ZBTB20: variants seen among roughly 807,000 people sequenced by gnomAD.
ZBTB20 encodes the protein zinc finger and BTB domain-containing protein 20.
ZBTB20 carries 9 observed loss-of-function variants against 56.9 expected under a neutral mutation model. The ratio of observed to expected loss-of-function variants is 0.16; its 90% CI spans 0.10 to 0.28. The LOEUF (loss-of-function observed/expected upper bound fraction) is 0.28, where lower values mean the gene tolerates loss of function less well. Ranked by LOEUF, ZBTB20 falls within the 10% of genes least tolerant of loss-of-function variation. The probability of loss-of-function intolerance (pLI) is 1.00; values close to 1 mark genes in which losing one functional copy is unlikely to be tolerated. For missense variants in ZBTB20, 655 were observed against 1,003.0 expected, an observed-to-expected ratio of 0.65 and a Z score of 4.69; for synonymous variants, 417 against 420.7, an observed-to-expected ratio of 0.99 and a Z score of 0.11.
chr3:114,682,855 T>A (rs1394329580), intron 6 of ZBTB20, among the ~76,000 whole-genome samples: 2 of 152,218 alleles, frequency 1.3e-5, no homozygotes, highest in Non-Finnish European at 2.9e-5. Flanking sequence ...ATGTGGGAGA[T>A]GGGATATATA....
chr3:114,970,147 G>A (rs1016057226), intron 3 of ZBTB20, among the ~76,000 whole-genome samples: 7 of 152,192 alleles, frequency 4.6e-5, no homozygotes, highest in Non-Finnish European at 8.8e-5. Flanking sequence ...TAATACTGAC[G>A]AGTGTATTAG....
chr3:114,749,593 AAGGAAGGAAGGAAG>A (rs2067399326), intron 5 of ZBTB20, among the ~76,000 whole-genome samples: 1 of 151,168 alleles, frequency 6.6e-6, no homozygotes, highest in Admixed American at 6.6e-5. Context: ...GGAAGGAAGG[AAGGAAGGAAGGAAG>A]GAAGGAAGGA....
intron 5 of ZBTB20, among the ~76,000 whole-genome samples, chr3:114,734,865 G>A (rs1424945766): frequency 1.3e-5 from 2 of 151,992 alleles, no homozygotes; most frequent in African/African-American, 2.4e-5. Context: ...TTCTATCTTA[G>A]GGGGCACTCA....
chr3:114,458,247 C>T (rs951074935), intron 7 of ZBTB20, among the ~76,000 whole-genome samples: 8 of 152,044 alleles, frequency 5.3e-5, no homozygotes, highest in Admixed American at 3.3e-4. Context: ...AATTTTCCCC[C>T]GACTATGCCA....
At position 115,033,742 on chromosome 3, in the gene ZBTB20, T is replaced by C. The variant is rs571296074; in HGVS notation, c.-507+37477A>G. On this transcript the variant is annotated intron_variant, in intron 2 of 11. Transcript: ENST00000675478. ...AATCAGAGAAGGAAACACTCCCTGATTGATTACATGAGGCCTGTATTACCC... is the reference window on the plus strand; with the variant it reads ...AATCAGAGAAGGAAACACTCCCTGACTGATTACATGAGGCCTGTATTACCC... Among the ~76,000 whole-genome samples, 16 of 151,804 alleles carry C rather than the reference T, an allele frequency of 1.1e-4. No homozygotes were observed. The East Asian group carries it at 1.2e-3, about 11-fold the overall frequency.
At chr3:114,743,761 A>T (rs2108608424) in intron 5 of ZBTB20, 1 of 152,882 alleles carries the variant, frequency 6.5e-6, no homozygotes, top group South Asian at 2.1e-4. Flanking sequence ...TGATGTATCC[A>T]CCTCCATGGG....
At chr3:114,796,213 T>C (rs2071332964) in intron 5 of ZBTB20, among the ~76,000 whole-genome samples, 1 of 152,086 alleles carries the variant, frequency 6.6e-6, no homozygotes, top group East Asian at 1.9e-4. Context: ...GAAGGATTCA[T>C]GAAATTCATA....
chr3:114,909,378 A>C (rs2075440161), intron 3 of ZBTB20, among the ~76,000 whole-genome samples: 1 of 152,140 alleles, frequency 6.6e-6, no homozygotes, highest in Non-Finnish European at 1.5e-5. Context: ...ATTACAAAAA[A>C]TTCAAAAAGT....
At position 114,338,467 on chromosome 3, in the gene ZBTB20, A is replaced by G. The variant is rs1560089499; in HGVS notation, c.*538T>C. 1 of 152,324 alleles carries G rather than the reference A, an allele frequency of 6.6e-6. No individual in the cohort carries two copies. Among genetic ancestry groups the G allele is most frequent in the Non-Finnish European group, 1.5e-5 (1 of 68,050 alleles). 9.4% of individuals were successfully genotyped at this position (152,324 alleles called of 1,614,324 possible). On this transcript the variant is annotated 3_prime_UTR_variant, in exon 12 of 12. Coordinates refer to ENST00000675478, the MANE Select transcript of ZBTB20 (RefSeq NM_001348800.3). ...TCAGACAACGTGGTAGGTGGAAAAC[A>G]GCAGGGCCTTTCCTCTGGGTTTTCA... is the stretch of plus-strand genomic sequence containing the variant.
chr3:115,133,460 A>G (rs1002116650), intron 1 of ZBTB20, among the ~76,000 whole-genome samples: 15 of 152,170 alleles, frequency 9.9e-5, no homozygotes, highest in Non-Finnish European at 2.9e-5. Flanking sequence ...GGTTGTATAA[A>G]TATCACCAAC....
At chr3:115,113,775 A>G (rs1281141380) in intron 1 of ZBTB20, among the ~76,000 whole-genome samples, 5 of 152,148 alleles carry the variant, frequency 3.3e-5, no homozygotes, top group Non-Finnish European at 5.9e-5. Context: ...AAGCAGCAGC[A>G]GCAGCGGCAG....
intron 4 of ZBTB20, among the ~76,000 whole-genome samples, chr3:114,867,150 G>A (rs370503491): frequency 6.6e-6 from 1 of 152,098 alleles, no homozygotes; most frequent in Non-Finnish European, 1.5e-5. Context: ...GTGGGCACTC[G>A]GCTCTTAAGA....
chr3:114,380,128 C>A, intron 10 of ZBTB20, 89 bp downstream of exon 10: 2 of 1,332,784 alleles, frequency 1.5e-6, no homozygotes, highest in Non-Finnish European at 2.0e-6. Flanking sequence ...ATGCAAAGAG[C>A]TCGCTCTGAA....
intron 2 of ZBTB20, among the ~76,000 whole-genome samples, chr3:114,986,380 T>A (rs1447114955): frequency 6.6e-6 from 1 of 152,174 alleles, no homozygotes; most frequent in African/African-American, 2.4e-5. Flanking sequence ...CGGTTGAAGT[T>A]CAAAATATAC....
intron 7 of ZBTB20, among the ~76,000 whole-genome samples, chr3:114,488,986 GAAAGAGAAAGAC>G (rs2042440354): frequency 2.6e-5 from 4 of 152,212 alleles, no homozygotes; most frequent in African/African-American, 7.2e-5. Flanking sequence ...TTTCAGTCTG[GAAAGAGAAAGAC>G]AAAGAGAAAG....
chr3:114,841,953 C>A (rs995814808), intron 4 of ZBTB20, among the ~76,000 whole-genome samples: 2 of 152,190 alleles, frequency 1.3e-5, no homozygotes, highest in Non-Finnish European at 2.9e-5. Flanking sequence ...TTAAGTAAGA[C>A]TAGCAAGGCT....
intron 4 of ZBTB20, among the ~76,000 whole-genome samples, chr3:114,813,184 A>G (rs193273572): frequency 0.012 from 1,757 of 152,360 alleles, 16 homozygotes; most frequent in South Asian, 0.042. Context: ...AGCAGCCAGG[A>G]CTGTGAGGAC....
intron 6 of ZBTB20, among the ~76,000 whole-genome samples, chr3:114,567,041 CAT>C (rs1419171604): frequency 6.6e-6 from 1 of 152,058 alleles, no homozygotes; most frequent in Non-Finnish European, 1.5e-5. Context: ...ATAGGGGTGT[CAT>C]GTGTGTATTT....
intron 4 of ZBTB20, among the ~76,000 whole-genome samples, chr3:114,846,560 C>A (rs2074715904): frequency 6.6e-6 from 1 of 152,200 alleles, no homozygotes; most frequent in African/African-American, 2.4e-5. Context: ...GGTAATCAAT[C>A]TGAGCCTAGT....
Sources: gnomAD v4.1 joint callset for allele counts (sites outside exome capture counted in the v4.1 genomes callset) on GRCh38, gnomAD v4.1.1 for gene constraint, MANE v1.5 for transcripts, NCBI Gene and HGNC (gene_info 2026-07-23, HGNC 2026-07-21) for gene names.